Variants in UBE2Q2 observed in about 807,000 individuals in gnomAD.
UBE2Q2 encodes ubiquitin conjugating enzyme E2 Q2.
Under a neutral mutation model 59.9 loss-of-function variants are expected in UBE2Q2, and 54 were observed. That is an observed-to-expected ratio of 0.90 (90% CI 0.72 to 1.13). The LOEUF (loss-of-function observed/expected upper bound fraction) is 1.13, where lower values mean the gene tolerates loss of function less well. Among genes scored for constraint, UBE2Q2 ranks in the 50% most tolerant of loss-of-function variants. The probability of loss-of-function intolerance (pLI) is 0.00; values close to 1 mark genes in which losing one functional copy is unlikely to be tolerated. For synonymous variants in UBE2Q2, 165 were observed against 155.2 expected (o/e 1.06, Z -0.47); for missense variants, 433 against 441.9 (o/e 0.98, Z 0.18).
At chr15:75,887,787 A>G (rs1471856188) in intron 9 of UBE2Q2, among the ~76,000 whole-genome samples, 1 of 152,194 alleles carries the variant, frequency 6.6e-6, no homozygotes. Context: ...AGTGAGGAGA[A>G]CCTACATTGG....
rs1398987583 is a variant in UBE2Q2, at chr15:75,899,482, GACTAATGTTGCTTT to G, written c.*26_*39del. 9 of 1,585,278 alleles carry G rather than the reference GACTAATGTTGCTTT, an allele frequency of 5.7e-6. No individual in the cohort carries two copies. The highest frequency in any genetic ancestry group is 1.4e-5 in the African/African-American group (1 of 73,518). ...AAATGTGTTGACTGTTGTATGTTTG[GACTAATGTTGCTTT>G]AAAGAAAATCTTTCTAACATGCAGA... On this transcript the variant is annotated 3_prime_UTR_variant, in exon 13 of 13. Transcript: ENST00000267938.
At chr15:75,895,739 C>T (rs967296706) in intron 11 of UBE2Q2, among the ~76,000 whole-genome samples, 1 of 152,012 alleles carries the variant, frequency 6.6e-6, no homozygotes. Flanking sequence ...GTTTGAAGTA[C>T]TGCATTGGTG....
chr15:75,854,455 G>C lies in UBE2Q2; in HGVS notation c.250G>C (p.Glu84Gln), dbSNP rs767139269. The stretch of plus-strand genomic sequence containing the variant: ...AGACCCAAATCTGACATCAGTTCTG[G>C]AACGTCTAGAAGATACTAAGAACAA... Reference protein sequence around the residue: ...SEDPNLTSVLERLEDTKNNNL... With the variant: ...SEDPNLTSVLQRLEDTKNNNL... The change falls in exon 2 of 13, where the codon GAA becomes CAA. Residue 84 changes from glutamate to glutamine, a missense_variant. Physicochemically the swap from Glu to Gln is conservative, Grantham distance 29 (BLOSUM62 2). Coordinates refer to ENST00000267938, the MANE Select transcript of UBE2Q2 (RefSeq NM_173469.4). 6.2e-7 allele frequency: 1 copy of C among 1,613,216 alleles called. No individual in the cohort carries two copies. The highest frequency in any genetic ancestry group is 8.5e-7 in the Non-Finnish European group (1 of 1,179,530).
chr15:75,876,852 C>G (rs942686220), intron 6 of UBE2Q2, among the ~76,000 whole-genome samples: 1 of 151,996 alleles, frequency 6.6e-6, no homozygotes, highest in Non-Finnish European at 1.5e-5. Context: ...ATGAGCCAAA[C>G]TTTAATTTGA....
chr15:75,887,394 A>T (rs1057077701), intron 9 of UBE2Q2, among the ~76,000 whole-genome samples: 3 of 152,166 alleles, frequency 2.0e-5, no homozygotes, highest in African/African-American at 7.2e-5. Context: ...TGATTTACAT[A>T]GGTGAAAAGT....
At chr15:75,883,319 C>G (rs760452081) in intron 8 of UBE2Q2, 47 bp from the exon 9 acceptor site, 2 of 1,501,186 alleles carry the variant, frequency 1.3e-6, no homozygotes. Flanking sequence ...TAGTATAACA[C>G]TAAGGATGTT....
At chr15:75,869,155 C>A in intron 4 of UBE2Q2, 145 bp downstream of exon 4, 1 of 665,078 alleles carries the variant, frequency 1.5e-6, no homozygotes. Context: ...TTTCCCAACT[C>A]TGGCTTTACC....
At chr15:75,861,939 C>T (rs1897225781) in intron 3 of UBE2Q2, among the ~76,000 whole-genome samples, 1 of 152,188 alleles carries the variant, frequency 6.6e-6, no homozygotes, top group Non-Finnish European at 1.5e-5. Flanking sequence ...TCTTCACCCA[C>T]AGGTCTGCTG....
intron 1 of UBE2Q2, among the ~76,000 whole-genome samples, chr15:75,853,223 G>A (rs1200752441): frequency 6.6e-6 from 1 of 152,184 alleles, no homozygotes; most frequent in Non-Finnish European, 1.5e-5. Context: ...TGTAATCCCA[G>A]CACTTTGGGA....
In UBE2Q2 at chr15:75,843,729, C is replaced by T. The variant is rs1360069322; in HGVS notation, c.63C>T (p.His21=). ...KFLASIFDKN[H]ERFRIVSWKL... ...TGGCGTCCATCTTCGACAAGAACCA[C>T]GAGCGATTCCGCATCGTCAGTTGGA... The change falls in exon 1 of 13, where the codon CAC becomes CAT. Residue 21 remains histidine, a synonymous_variant. Transcript: ENST00000267938. 1.2e-6 allele frequency: 2 copies of T among 1,611,460 alleles called. No individual in the cohort carries two copies. The highest frequency in any genetic ancestry group is 1.7e-6 in the Non-Finnish European group (2 of 1,179,100).
chr15:75,856,269 G>GTGTATATATATATATATATA (rs1256142539), intron 2 of UBE2Q2, among the ~76,000 whole-genome samples: 1 of 139,278 alleles, frequency 7.2e-6, no homozygotes, highest in African/African-American at 2.7e-5. Context: ...GTGTGTGTGT[G>GTGTATATATATATATATATA]TATATATATA....
chr15:75,854,087 G>A (rs1896778594), intron 1 of UBE2Q2, among the ~76,000 whole-genome samples: 1 of 152,088 alleles, frequency 6.6e-6, no homozygotes, highest in South Asian at 2.1e-4. Context: ...GTCCAGGGGC[G>A]GGAATTTTAC....
intron 4 of UBE2Q2, among the ~76,000 whole-genome samples, chr15:75,870,137 G>A (rs543547536): frequency 2.0e-5 from 3 of 152,128 alleles, no homozygotes; most frequent in East Asian, 3.9e-4. Flanking sequence ...GTGTGATCAC[G>A]GCTCACTGCA....
chr15:75,871,374 A>G (rs1214254137), intron 4 of UBE2Q2, among the ~76,000 whole-genome samples: 1 of 152,100 alleles, frequency 6.6e-6, no homozygotes, highest in Non-Finnish European at 1.5e-5. Flanking sequence ...CCTTCCTCTT[A>G]TACTAATCTT....
At chr15:75,875,425 A>C (rs1017785513) in intron 5 of UBE2Q2, among the ~76,000 whole-genome samples, 3 of 152,226 alleles carry the variant, frequency 2.0e-5, no homozygotes, top group Admixed American at 1.3e-4. Flanking sequence ...ATGTCCCTGC[A>C]CTGAAAAACT....
Position 75,899,538 on chromosome 15 carries a change from C to A in UBE2Q2, c.*80C>A. On this transcript the variant is annotated 3_prime_UTR_variant, in exon 13 of 13. Transcript: ENST00000267938. ...ACATGCAGACAAAAGCTTTGAGTGC[C>A]CCTATTACAGCAGTACCGAAGATGT... 1 of 1,178,770 alleles carries A rather than the reference C, an allele frequency of 8.5e-7. No individual in the cohort carries two copies. Among genetic ancestry groups the A allele is most frequent in the Non-Finnish European group, 1.2e-6 (1 of 816,776 alleles). The allele number at this position is 1,178,770 out of a possible 1,614,324, so 73.0% of individuals were successfully genotyped here. A position where few individuals can be genotyped will look rare whatever the true frequency, so the allele number is the denominator to read the frequency against.
intron 4 of UBE2Q2, among the ~76,000 whole-genome samples, chr15:75,872,325 A>G (rs987021395): frequency 5.7e-5 from 5 of 87,102 alleles, no homozygotes; most frequent in East Asian, 3.2e-4. Flanking sequence ...CTGCTTGGGG[A>G]AAAAAAAAAA....
At chr15:75,852,173 A>C (rs1202498764) in intron 1 of UBE2Q2, among the ~76,000 whole-genome samples, 2 of 151,982 alleles carry the variant, frequency 1.3e-5, no homozygotes, top group Non-Finnish European at 2.9e-5. Flanking sequence ...CACCATTCCC[A>C]GCCTTATCGT....
chr15:75,883,272 T>C (rs926549027), intron 8 of UBE2Q2, 94 bp from the exon 9 acceptor site: 11 of 1,166,942 alleles, frequency 9.4e-6, no homozygotes, highest in South Asian at 2.9e-5. Flanking sequence ...ATAATAAATG[T>C]ACACATTCTT....
Sources: allele counts gnomAD v4.1 joint callset (sites outside exome capture counted in the v4.1 genomes callset), GRCh38; gene constraint gnomAD v4.1.1; transcripts MANE v1.5; gene names NCBI Gene and HGNC (gene_info 2026-07-23, HGNC 2026-07-21).